Variants in TNFSF18 observed in about 807,000 individuals in gnomAD.
The protein encoded by TNFSF18 is tumor necrosis factor ligand superfamily member 18.
A neutral mutation model predicts 9.6 loss-of-function variants in TNFSF18; 6 were observed. The observed-to-expected ratio is 0.63, with a 90% CI of 0.34 to 1.24. The LOEUF is 1.24. Among genes scored for constraint, TNFSF18 ranks in the 50% most tolerant of loss-of-function variants. TNFSF18 has a pLI of 0.03. For missense variants in TNFSF18, 210 were observed against 201.0 expected, an observed-to-expected ratio of 1.04 and a Z score of -0.27; for synonymous variants, 68 against 71.7, an observed-to-expected ratio of 0.95 and a Z score of 0.26.
intron 2 of TNFSF18, 72 bp downstream of exon 2, chr1:173,043,867 G>C: frequency 7.7e-7 from 1 of 1,295,064 alleles, no homozygotes; most frequent in Non-Finnish European, 1.1e-6. Flanking sequence ...AGGTTTTCTT[G>C]AGATCACTGA....
intron 1 of TNFSF18, among the ~76,000 whole-genome samples, chr1:173,049,770 G>C (rs1182395836): frequency 1.3e-5 from 2 of 152,106 alleles, no homozygotes; most frequent in Admixed American, 6.6e-5. Context: ...CCAAAACTTA[G>C]AGTCTTCAAA....
At chr1:173,048,497 G>A (rs1665118406) in intron 1 of TNFSF18, among the ~76,000 whole-genome samples, 2 of 152,064 alleles carry the variant, frequency 1.3e-5, no homozygotes, top group African/African-American at 4.8e-5. Context: ...TTCAGACTCT[G>A]CTGAACATTT....
intron 1 of TNFSF18, among the ~76,000 whole-genome samples, chr1:173,047,023 G>T (rs1665096187): frequency 6.6e-6 from 1 of 152,048 alleles, no homozygotes; most frequent in African/African-American, 2.4e-5. Context: ...CCCCTGAGTA[G>T]CTGGGACTAC....
chr1:173,044,363 G>C (rs1378634272), intron 1 of TNFSF18, among the ~76,000 whole-genome samples: 1 of 152,002 alleles, frequency 6.6e-6, no homozygotes, highest in African/African-American at 2.4e-5. Flanking sequence ...AAATAGTGAA[G>C]CTTCTATTTA....
At chr1:173,048,834 G>T (rs1665122576) in intron 1 of TNFSF18, among the ~76,000 whole-genome samples, 2 of 152,136 alleles carry the variant, frequency 1.3e-5, no homozygotes, top group Non-Finnish European at 2.9e-5. Context: ...ATCACTATCT[G>T]CCAGCCTCTC....
intron 1 of TNFSF18, among the ~76,000 whole-genome samples, chr1:173,046,898 G>A (rs796838819): frequency 2.4e-5 from 3 of 126,206 alleles, no homozygotes; most frequent in East Asian, 1.3e-3. Flanking sequence ...TGTTGTTGTT[G>A]TTGTTGTTTT....
chr1:173,045,269 A>G (rs1416557383), intron 1 of TNFSF18, among the ~76,000 whole-genome samples: 1 of 152,094 alleles, frequency 6.6e-6, no homozygotes, highest in Non-Finnish European at 1.5e-5. Flanking sequence ...GAGGTCGGAG[A>G]ATGAGAAAGA....
At position 173,040,001 on chromosome 1, in the gene TNFSF18, C is replaced by A. The variant is rs915996410; in HGVS notation, c.*1366G>T. On this transcript the variant is annotated 3_prime_UTR_variant, in exon 3 of 3. Coordinates refer to ENST00000404377, the MANE Select transcript of TNFSF18 (RefSeq NM_005092.4). ...TTATTTAACATAATGCAGCTTTTCA[C>A]AAATATCCATAAATATTTTAAATTT... 5.3e-5 allele frequency: 8 copies of A among 152,042 alleles called. No individual in the cohort carries two copies. In the South Asian group the frequency reaches 8.3e-4, roughly 16 times the overall value. The allele number at this position is 152,042 out of a possible 1,614,324, so 9.4% of individuals were successfully genotyped here. A position where few individuals can be genotyped will look rare whatever the true frequency, so the allele number is the denominator to read the frequency against.
intron 1 of TNFSF18, among the ~76,000 whole-genome samples, chr1:173,049,152 A>G (rs1345633490): frequency 6.6e-6 from 1 of 152,152 alleles, no homozygotes; most frequent in African/African-American, 2.4e-5. Context: ...TTCTGAAGAG[A>G]GGTGTCCCAG....
At position 173,041,647 on chromosome 1, in the gene TNFSF18, C is replaced by A. The variant is rs747763253; in HGVS notation, c.254G>T (p.Trp85Leu). 21 of 1,613,348 alleles carry A rather than the reference C, an allele frequency of 1.3e-5. No individual in the cohort carries two copies. The East Asian group carries it at 4.7e-4, about 36-fold the overall frequency. Residue 85 changes from tryptophan to leucine, a missense_variant, in exon 3 of 3, where the codon TGG (tryptophan) becomes TTG (leucine). Trp to Leu is a moderately conservative substitution (Grantham distance 61, BLOSUM62 -2). Transcript: ENST00000404377. ...EPPCVNKVSDWKLEILQNGLY... is the reference protein window; with the variant it reads ...EPPCVNKVSDLKLEILQNGLY... ...GCCATTCTGAAGTATCTCCAGCTTC[C>A]AGTCAGACACCTTATTCACGCAAGG...
At chr1:173,042,958 C>T (rs1004338879) in intron 2 of TNFSF18, among the ~76,000 whole-genome samples, 1 of 152,072 alleles carries the variant, frequency 6.6e-6, no homozygotes, top group African/African-American at 2.4e-5. Context: ...CCAATGAGCT[C>T]GGAGCCCAGT....
rs1320284568 is a variant in TNFSF18 at position 173,043,977 on chromosome 1, G to A, written c.157-8C>T. ...ACAGGGCTCCTTAGCAGTCTGTTGG[G>A]GAAATAAAAGATGAATTGATTAGGA... On this transcript the variant is annotated splice_polypyrimidine_tract_variant and splice_region_variant and intron_variant, in intron 1 of 2. Coordinates refer to ENST00000404377, the MANE Select transcript of TNFSF18 (RefSeq NM_005092.4). The A allele has an allele frequency of 6.2e-7, 1 of 1,611,056 alleles. No homozygotes were observed. Among genetic ancestry groups the A allele is most frequent in the African/African-American group, 1.3e-5 (1 of 74,762 alleles).
At chr1:173,041,823 T>C in intron 2 of TNFSF18, 110 bp from the exon 3 acceptor site, 1 of 835,046 alleles carries the variant, frequency 1.2e-6, no homozygotes, top group South Asian at 2.7e-5. Context: ...TTTCTTTACC[T>C]GATCTACACT....
chr1:173,041,500 T>G lies in TNFSF18; in HGVS notation c.401A>C (p.Gln134Pro). The change falls in exon 3 of 3, where the codon CAA becomes CCA. Residue 134 changes from glutamine to proline, a missense_variant. By Grantham distance (76) the Gln-to-Pro change is moderately conservative. Coordinates refer to ENST00000404377, the MANE Select transcript of TNFSF18 (RefSeq NM_005092.4). ...IQTLTNKSKI[Q>P]NVGGTYELHV... ...CAATTCATAAGTCCCTCCTACATTT[T>G]GGATTTTAGATTTGTTTGTTAGAGT... 1 of 1,613,626 alleles carries G rather than the reference T, an allele frequency of 6.2e-7. No individual in the cohort carries two copies. Among genetic ancestry groups the G allele is most frequent in the Non-Finnish European group, 8.5e-7 (1 of 1,179,638 alleles).
chr1:173,044,204 A>G (rs1450035129), intron 1 of TNFSF18, among the ~76,000 whole-genome samples: 1 of 151,780 alleles, frequency 6.6e-6, no homozygotes, highest in Non-Finnish European at 1.5e-5. Context: ...AAAGGTCAAG[A>G]TCTCATTCCA....
intron 1 of TNFSF18, among the ~76,000 whole-genome samples, chr1:173,049,740 C>T (rs1295413643): frequency 6.6e-6 from 1 of 152,178 alleles, no homozygotes; most frequent in East Asian, 1.9e-4. Context: ...CTCAGATGGA[C>T]ATATGCCACT....
At chr1:173,049,316 T>C (rs1419528055) in intron 1 of TNFSF18, among the ~76,000 whole-genome samples, 1 of 152,214 alleles carries the variant, frequency 6.6e-6, no homozygotes, top group Non-Finnish European at 1.5e-5. Context: ...ATTAATCTTA[T>C]AATTTTTAGA....
At chr1:173,050,616 T>C (rs1665155189) in intron 1 of TNFSF18, 125 bp downstream of exon 1, 2 of 662,032 alleles carry the variant, frequency 3.0e-6, no homozygotes, top group South Asian at 4.1e-5. Context: ...GTATTTACAT[T>C]ATGTATACAC....
chr1:173,050,671 T>A, intron 1 of TNFSF18, 70 bp downstream of exon 1: 2 of 1,049,100 alleles, frequency 1.9e-6, no homozygotes, highest in African/African-American at 3.2e-5. Context: ...GTGACAATGA[T>A]AACAACTAGA....
Sources: gnomAD v4.1 joint callset for allele counts (sites outside exome capture counted in the v4.1 genomes callset) on GRCh38, gnomAD v4.1.1 for gene constraint, MANE v1.5 for transcripts, NCBI Gene and HGNC (gene_info 2026-07-23, HGNC 2026-07-21) for gene names.